Variants in VRK2 observed in about 807,000 individuals in gnomAD.
VRK2 encodes the protein VRK serine/threonine kinase 2.
Under a neutral mutation model 57.6 loss-of-function variants are expected in VRK2, and 60 were observed. The ratio of observed to expected loss-of-function variants is 1.04; its 90% CI spans 0.85 to 1.29. VRK2 has a LOEUF of 1.29. Ranked by LOEUF, VRK2 falls within the 50% of genes most tolerant of loss-of-function variation. The pLI, the probability that VRK2 is intolerant of heterozygous loss-of-function variation, is 0.00. For missense variants in VRK2, 705 were observed against 588.1 expected (o/e 1.20, Z -2.06); for synonymous variants, 231 against 199.2 (o/e 1.16, Z -1.35).
At chr2:58,100,281 A>G (rs1187931952) in intron 7 of VRK2, among the ~76,000 whole-genome samples, 1 of 152,014 alleles carries the variant, frequency 6.6e-6, no homozygotes, top group Non-Finnish European at 1.5e-5. Flanking sequence ...CACTATTTAG[A>G]AGTAGTGTTT....
At chr2:57,997,441 T>C (rs1051016456) in intron 1 of VRK2, among the ~76,000 whole-genome samples, 4 of 152,136 alleles carry the variant, frequency 2.6e-5, no homozygotes, top group African/African-American at 9.7e-5. Flanking sequence ...CTACTATGCA[T>C]TGAAGTGACG....
At chr2:58,076,106 C>CTTTTTTTTTTTTTTTT (rs71394406) in intron 2 of VRK2, among the ~76,000 whole-genome samples, 1 of 121,812 alleles carries the variant, frequency 8.2e-6, no homozygotes, top group African/African-American at 3.1e-5. Flanking sequence ...CTACTGTCTT[C>CTTTTTTTTTTTTTTTT]TTTTTTTTTT....
At chr2:58,057,081 CAT>C in intron 2 of VRK2, among the ~76,000 whole-genome samples, 1 of 152,210 alleles carries the variant, frequency 6.6e-6, no homozygotes, top group South Asian at 2.1e-4. Context: ...TTTCCCCCAA[CAT>C]GTGTGCACAC....
intron 1 of VRK2, among the ~76,000 whole-genome samples, chr2:58,010,333 T>A (rs1180619312): frequency 6.6e-6 from 1 of 152,118 alleles, no homozygotes; most frequent in African/African-American, 2.4e-5. Context: ...GAGCTCTTAT[T>A]AATTTATGTT....
At chr2:58,006,312 G>A (rs1429414393) in intron 1 of VRK2, among the ~76,000 whole-genome samples, 1 of 152,166 alleles carries the variant, frequency 6.6e-6, no homozygotes, top group Non-Finnish European at 1.5e-5. Context: ...TTGTTTGGTG[G>A]AAAGTGAAGA....
intron 9 of VRK2, 117 bp from the exon 10 acceptor site, chr2:58,135,024 A>C: frequency 9.4e-7 from 1 of 1,060,390 alleles, no homozygotes; most frequent in Non-Finnish European, 1.4e-6. Flanking sequence ...ACAAAAAAAA[A>C]AGCATTGAAA....
chr2:57,922,399 T>C (rs1357615211), intron 1 of VRK2, among the ~76,000 whole-genome samples: 1 of 141,328 alleles, frequency 7.1e-6, no homozygotes, highest in Non-Finnish European at 1.6e-5. Context: ...GTATATGTTG[T>C]GAAATGATTA....
At chr2:58,050,537 T>TA (rs1427245895) in intron 2 of VRK2, among the ~76,000 whole-genome samples, 1 of 152,250 alleles carries the variant, frequency 6.6e-6, no homozygotes, top group Non-Finnish European at 1.5e-5. Context: ...TTCCATAGCT[T>TA]ATCACTTTTG....
intron 10 of VRK2, among the ~76,000 whole-genome samples, chr2:58,137,889 T>G (rs1680771884): frequency 6.6e-6 from 1 of 152,168 alleles, no homozygotes; most frequent in South Asian, 2.1e-4. Context: ...AGACTAACAT[T>G]TAAACCAGTA....
intron 7 of VRK2, among the ~76,000 whole-genome samples, chr2:58,106,144 T>G (rs1558642686): frequency 6.6e-6 from 1 of 151,984 alleles, no homozygotes; most frequent in Non-Finnish European, 1.5e-5. Context: ...GTGTCTTGAT[T>G]AGATTGGAAA....
chr2:58,152,276 T>C (rs1349201136), intron 12 of VRK2, among the ~76,000 whole-genome samples: 1 of 151,916 alleles, frequency 6.6e-6, no homozygotes, highest in Non-Finnish European at 1.5e-5. Flanking sequence ...CAAGTCATAT[T>C]AGACAGCGTG....
At chr2:58,110,307 A>C (rs1380961164) in intron 7 of VRK2, among the ~76,000 whole-genome samples, 1 of 152,244 alleles carries the variant, frequency 6.6e-6, no homozygotes, top group African/African-American at 2.4e-5. Flanking sequence ...AACAGAAAGC[A>C]ATCATTTATT....
intron 5 of VRK2, among the ~76,000 whole-genome samples, chr2:58,086,905 A>G (rs988445704): frequency 1.3e-5 from 2 of 152,160 alleles, no homozygotes; most frequent in Non-Finnish European, 1.5e-5. Flanking sequence ...GTTTTTTGTA[A>G]TCTAATCTTA....
Position 58,089,680 on chromosome 2 carries a change from T to C in VRK2, c.500T>C (p.Ile167Thr). 1.9e-6 allele frequency: 3 copies of C among 1,608,822 alleles called. No individual in the cohort carries two copies. Among genetic ancestry groups the C allele is most frequent in the Non-Finnish European group, 2.5e-6 (3 of 1,176,696 alleles). The change falls in exon 7 of 13, where the codon ATA becomes ACA. Residue 167 changes from isoleucine (I) to threonine (T), a missense_variant. Ile to Thr is a moderately conservative substitution (Grantham distance 89, BLOSUM62 -1). Coordinates refer to ENST00000340157, the MANE Select transcript of VRK2 (RefSeq NM_006296.7). ...GAAAATGAATATGTTCATGGTGATA[T>C]AAAAGCAGCAAATCTACTTTTGGGT... Reference protein sequence around the residue: ...IHENEYVHGDIKAANLLLGYK... With the variant: ...IHENEYVHGDTKAANLLLGYK...
chr2:58,151,607 G>C (rs1013215314), intron 12 of VRK2, among the ~76,000 whole-genome samples: 15 of 151,038 alleles, frequency 9.9e-5, no homozygotes, highest in African/African-American at 3.6e-4. Context: ...GATATAGCTG[G>C]GTTTAATCTA....
At chr2:58,154,744 T>C (rs756933143) in intron 12 of VRK2, 6 of 717,288 alleles carry the variant, frequency 8.4e-6, no homozygotes, top group South Asian at 7.4e-5. Flanking sequence ...TTTTCTTCCC[T>C]TTTTTCCAGT....
intron 12 of VRK2, among the ~76,000 whole-genome samples, chr2:58,153,960 T>C (rs1009615580): frequency 5.9e-5 from 9 of 152,156 alleles, no homozygotes; most frequent in African/African-American, 1.9e-4. Context: ...GCAGGTCATA[T>C]GGACTCTTGT....
At chr2:57,999,221 G>T (rs1673014604) in intron 1 of VRK2, among the ~76,000 whole-genome samples, 1 of 152,076 alleles carries the variant, frequency 6.6e-6, no homozygotes, top group Non-Finnish European at 1.5e-5. Context: ...TGGATCTTCA[G>T]GGTCAAATAG....
intron 12 of VRK2, 96 bp downstream of exon 12, chr2:58,146,570 A>G: frequency 1.4e-6 from 2 of 1,388,892 alleles, no homozygotes; most frequent in Non-Finnish European, 1.9e-6. Flanking sequence ...CTGAGGGCCA[A>G]GGTTGTATGG....
Sources: gnomAD v4.1 joint callset for allele counts (sites outside exome capture counted in the v4.1 genomes callset) on GRCh38, gnomAD v4.1.1 for gene constraint, MANE v1.5 for transcripts, NCBI Gene and HGNC (gene_info 2026-07-23, HGNC 2026-07-21) for gene names.